Variants in TRDN observed in about 807,000 individuals in gnomAD.
The protein encoded by TRDN is triadin in skeletal muscle.
A neutral mutation model predicts 149.7 loss-of-function variants in TRDN; 161 were observed. That is an observed-to-expected ratio of 1.08 (90% CI 0.95 to 1.23). The LOEUF (loss-of-function observed/expected upper bound fraction) is 1.23. Ranked by LOEUF, TRDN falls within the 50% of genes most tolerant of loss-of-function variation. TRDN has a pLI of 0.00. For missense variants in TRDN, 896 were observed against 823.5 expected (o/e 1.09, Z -1.08); for synonymous variants, 294 against 250.5 (o/e 1.17, Z -1.64).
chr6:123,586,572 G>T (rs1340727579), intron 1 of TRDN, among the ~76,000 whole-genome samples: 1 of 152,166 alleles, frequency 6.6e-6, no homozygotes, highest in East Asian at 1.9e-4. Flanking sequence ...TTGAAGGATG[G>T]AAAAATTGAA....
chr6:123,348,132 T>C (rs1370534416), intron 21 of TRDN, among the ~76,000 whole-genome samples: 1 of 152,076 alleles, frequency 6.6e-6, no homozygotes, highest in Non-Finnish European at 1.5e-5. Flanking sequence ...GTCATAATGA[T>C]GAAAAACTTT....
chr6:123,462,646 A>G (rs751060635), intron 10 of TRDN: 16 of 152,212 alleles, frequency 1.1e-4, no homozygotes, highest in Non-Finnish European at 1.9e-4. Flanking sequence ...TTCCTCAAAT[A>G]TAACAGCATA....
At chr6:123,327,771 G>A (rs983236937) in intron 23 of TRDN, among the ~76,000 whole-genome samples, 1 of 151,980 alleles carries the variant, frequency 6.6e-6, no homozygotes, top group African/African-American at 2.4e-5. Context: ...TGGCTTTTCT[G>A]CAAATACAAC....
intron 38 of TRDN, 71 bp downstream of exon 38, chr6:123,252,341 T>A: frequency 1.0e-6 from 1 of 960,360 alleles, no homozygotes; most frequent in Non-Finnish European, 1.5e-6. Flanking sequence ...ATAAAAATAT[T>A]TTATGAATTT....
intron 9 of TRDN, among the ~76,000 whole-genome samples, chr6:123,473,951 A>G (rs2114745632): frequency 6.6e-6 from 1 of 152,304 alleles, no homozygotes; most frequent in South Asian, 2.1e-4. Context: ...GAAGAGCTAA[A>G]TATGGAAAGG....
intron 20 of TRDN, among the ~76,000 whole-genome samples, chr6:123,364,633 A>G (rs1781021272): frequency 2.0e-5 from 3 of 152,196 alleles, no homozygotes; most frequent in Admixed American, 2.0e-4. Context: ...GGTGACAGAG[A>G]AAGACTGTCT....
chr6:123,391,759 A>G (rs547669915), intron 13 of TRDN, among the ~76,000 whole-genome samples: 11 of 152,222 alleles, frequency 7.2e-5, no homozygotes, highest in Admixed American at 1.3e-4. Context: ...AAATAAATAA[A>G]TGAACAGATC....
rs557006590 is a variant in TRDN at position 123,450,962 on chromosome 6, C to T, written c.932-11959G>A. On this transcript the variant is annotated intron_variant, in intron 10 of 40. Transcript: ENST00000334268. Reference sequence around the variant, plus strand: ...TGCAAAAGGAATCTTCAAAACCATGCAAATACATGGAAATTAAATAACCTG... The same window carrying T: ...TGCAAAAGGAATCTTCAAAACCATGTAAATACATGGAAATTAAATAACCTG... Among the ~76,000 whole-genome samples the T allele has an allele frequency of 5.3e-4, 81 of 152,180 alleles. 3 individuals carry two copies. The South Asian group carries it at 0.016, about 30-fold the overall frequency.
At chr6:123,553,558 G>A (rs572677005) in intron 2 of TRDN, among the ~76,000 whole-genome samples, 3 of 152,200 alleles carry the variant, frequency 2.0e-5, no homozygotes, top group African/African-American at 4.8e-5. Flanking sequence ...GTATTAGTCC[G>A]TTTCCATACT....
intron 12 of TRDN, among the ~76,000 whole-genome samples, chr6:123,398,747 C>A (rs1305094287): frequency 3.3e-5 from 5 of 152,186 alleles, no homozygotes; most frequent in African/African-American, 1.2e-4. Context: ...AATCATGAAG[C>A]AGCCTTTGGC....
At chr6:123,517,248 A>T (rs762089455) in intron 5 of TRDN, among the ~76,000 whole-genome samples, 1 of 152,122 alleles carries the variant, frequency 6.6e-6, no homozygotes, top group African/African-American at 2.4e-5. Flanking sequence ...GAGAAATGAG[A>T]AGAAATTAGC....
chr6:123,480,378 C>G (rs1159231907), intron 9 of TRDN, among the ~76,000 whole-genome samples: 1 of 151,886 alleles, frequency 6.6e-6, no homozygotes, highest in African/African-American at 2.4e-5. Flanking sequence ...AACATACTGA[C>G]TCACTAATAA....
At chr6:123,253,283 A>G (rs546427921) in intron 37 of TRDN, among the ~76,000 whole-genome samples, 1 of 152,190 alleles carries the variant, frequency 6.6e-6, no homozygotes, top group African/African-American at 2.4e-5. Flanking sequence ...TAACAGTTCC[A>G]TTCTAACATT....
At chr6:123,571,696 G>A (rs1782589339) in intron 1 of TRDN, among the ~76,000 whole-genome samples, 1 of 151,878 alleles carries the variant, frequency 6.6e-6, no homozygotes, top group African/African-American at 2.4e-5. Flanking sequence ...AATAACCACT[G>A]TTAATATTTT....
intron 5 of TRDN, among the ~76,000 whole-genome samples, chr6:123,522,275 T>C (rs1438256457): frequency 1.3e-5 from 2 of 152,112 alleles, no homozygotes; most frequent in African/African-American, 4.8e-5. Flanking sequence ...CATATTTAGT[T>C]ATATATTTAC....
chr6:123,579,594 C>T (rs576246976), intron 1 of TRDN, among the ~76,000 whole-genome samples: 126 of 152,078 alleles, frequency 8.3e-4, no homozygotes, highest in African/African-American at 2.8e-3. Flanking sequence ...CATTGGCATG[C>T]CATTTTCTTT....
intron 7 of TRDN, among the ~76,000 whole-genome samples, chr6:123,506,902 T>C (rs1176542868): frequency 6.6e-6 from 1 of 152,138 alleles, no homozygotes; most frequent in African/African-American, 2.4e-5. Flanking sequence ...GAAATATAGA[T>C]AGTTTGATCT....
chr6:123,476,712 AT>A (rs1777495684), intron 9 of TRDN, among the ~76,000 whole-genome samples: 1 of 147,212 alleles, frequency 6.8e-6, no homozygotes, highest in Non-Finnish European at 1.5e-5. Context: ...CAAAACAGAG[AT>A]ATAGATCAAT....
intron 38 of TRDN, among the ~76,000 whole-genome samples, chr6:123,229,909 C>T (rs1007378564): frequency 2.6e-5 from 4 of 151,952 alleles, no homozygotes; most frequent in Non-Finnish European, 5.9e-5. Flanking sequence ...TCATTCTCAG[C>T]AAGCAATCTT....
Sources: allele counts gnomAD v4.1 joint callset (sites outside exome capture counted in the v4.1 genomes callset), GRCh38; gene constraint gnomAD v4.1.1; transcripts MANE v1.5; gene names NCBI Gene and HGNC (gene_info 2026-07-23, HGNC 2026-07-21).